The following MCTP1 variants were observed in gnomAD, a reference collection of about 807,000 sequenced individuals.
MCTP1 encodes multiple C2 and transmembrane domain-containing protein 1.
MCTP1 carries 69 observed loss-of-function variants against 120.6 expected under a neutral mutation model. The ratio of observed to expected loss-of-function variants is 0.57; its 90% CI spans 0.47 to 0.70. The LOEUF is 0.70. Among genes scored for constraint, MCTP1 ranks in the 30% least tolerant of loss-of-function variants. The pLI is 0.00. For synonymous variants in MCTP1, 529 were observed against 493.1 expected, an observed-to-expected ratio of 1.07 and a Z score of -0.96; for missense variants, 1,203 against 1,248.8, an observed-to-expected ratio of 0.96 and a Z score of 0.55.
chr5:95,087,159 A>AC (rs1269990204), intron 1 of MCTP1, among the ~76,000 whole-genome samples: 4 of 152,220 alleles, frequency 2.6e-5, no homozygotes, highest in African/African-American at 9.6e-5. Context: ...TATGAGGTTT[A>AC]CACTTCAGCC....
At chr5:95,254,009 A>C (rs1293521267) in intron 1 of MCTP1, among the ~76,000 whole-genome samples, 1 of 152,154 alleles carries the variant, frequency 6.6e-6, no homozygotes, top group Admixed American at 6.6e-5. Flanking sequence ...TATCACTGCT[A>C]AAAATTTAGT....
intron 7 of MCTP1, among the ~76,000 whole-genome samples, chr5:94,921,116 T>C (rs1811544383): frequency 6.6e-6 from 1 of 152,220 alleles, no homozygotes; most frequent in South Asian, 2.1e-4. Flanking sequence ...ATGCTAAATA[T>C]TTGAACACAC....
intron 1 of MCTP1, among the ~76,000 whole-genome samples, chr5:95,032,910 A>AGGTC (rs1840567829): frequency 6.6e-6 from 1 of 151,970 alleles, no homozygotes; most frequent in South Asian, 2.1e-4. Context: ...GTGACATTAC[A>AGGTC]ACTGAAACTA....
At chr5:95,029,705 A>G (rs71646185) in intron 1 of MCTP1, among the ~76,000 whole-genome samples, 1 of 152,190 alleles carries the variant, frequency 6.6e-6, no homozygotes. Context: ...CTTGTGACTC[A>G]GGGCAATGCT....
intron 17 of MCTP1, among the ~76,000 whole-genome samples, chr5:94,819,163 C>G (rs1241611340): frequency 6.7e-6 from 1 of 149,404 alleles, no homozygotes; most frequent in South Asian, 2.1e-4. Context: ...GAGTCTCACT[C>G]TGTCACCCAG....
At chr5:94,913,809 A>T (rs1374362598) in intron 8 of MCTP1, among the ~76,000 whole-genome samples, 2 of 151,828 alleles carry the variant, frequency 1.3e-5, no homozygotes, top group African/African-American at 4.8e-5. Context: ...GGCTCAAGTG[A>T]TCCTCCCAAG....
chr5:95,147,082 TTTA>T (rs1760460005), intron 1 of MCTP1, among the ~76,000 whole-genome samples: 1 of 151,870 alleles, frequency 6.6e-6, no homozygotes, highest in Non-Finnish European at 1.5e-5. Context: ...TTTATTTTAT[TTTA>T]TTTATTTATT....
intron 17 of MCTP1, among the ~76,000 whole-genome samples, chr5:94,863,753 T>C (rs1481883464): frequency 6.6e-6 from 1 of 151,844 alleles, no homozygotes; most frequent in African/African-American, 2.4e-5. Context: ...GAGCCTATTG[T>C]CTTTGGTCAT....
chr5:95,068,801 C>A, intron 1 of MCTP1: 4 of 1,280,546 alleles, frequency 3.1e-6, no homozygotes, highest in Non-Finnish European at 4.1e-6. Flanking sequence ...TGCATTTAGT[C>A]TGTCCTTTCC....
At chr5:94,723,519 ACT>A (rs1317888563) in intron 19 of MCTP1, among the ~76,000 whole-genome samples, 1 of 151,276 alleles carries the variant, frequency 6.6e-6, no homozygotes, top group Non-Finnish European at 1.5e-5. Context: ...ATAATGTTAC[ACT>A]GAGATTTTTT....
chr5:95,269,546 C>T (rs1759190799), intron 1 of MCTP1, among the ~76,000 whole-genome samples: 1 of 152,344 alleles, frequency 6.6e-6, no homozygotes, highest in Non-Finnish European at 1.5e-5. Flanking sequence ...CTAATGGTGG[C>T]ACCTTCCTCT....
chr5:94,928,209 A>AACACACACACACACACACAC (rs60502360), intron 6 of MCTP1, among the ~76,000 whole-genome samples: 3 of 148,436 alleles, frequency 2.0e-5, no homozygotes, highest in African/African-American at 5.0e-5. Flanking sequence ...TCTAGGTTAA[A>AACACACACACACACACACAC]ACACACACAC....
intron 1 of MCTP1, among the ~76,000 whole-genome samples, chr5:95,206,836 A>G (rs1393377216): frequency 6.6e-6 from 1 of 152,124 alleles, no homozygotes; most frequent in Non-Finnish European, 1.5e-5. Flanking sequence ...ATGCCTGTCC[A>G]TTTTATAGAT....
intron 4 of MCTP1, 29 bp from the exon 5 acceptor site, chr5:94,940,224 C>T: frequency 7.2e-7 from 1 of 1,384,904 alleles, no homozygotes; most frequent in Non-Finnish European, 1.0e-6. Flanking sequence ...AGATTTTGAA[C>T]AGTCATTAAA....
chr5:94,932,231 A>C (rs1287526795), intron 5 of MCTP1, among the ~76,000 whole-genome samples: 3 of 151,368 alleles, frequency 2.0e-5, no homozygotes, highest in Non-Finnish European at 4.4e-5. Flanking sequence ...AAAAAAAAAA[A>C]AAAAAAAGGA....
chr5:94,946,317 C>T (rs1037081359), intron 3 of MCTP1, among the ~76,000 whole-genome samples: 6 of 152,058 alleles, frequency 3.9e-5, no homozygotes, highest in African/African-American at 7.2e-5. Flanking sequence ...GTACTGAATC[C>T]GTTCCAGATG....
At chr5:95,164,602 T>C (rs1394377798) in intron 1 of MCTP1, among the ~76,000 whole-genome samples, 1 of 152,210 alleles carries the variant, frequency 6.6e-6, no homozygotes, top group East Asian at 1.9e-4. Flanking sequence ...AGTTTTAGTA[T>C]AATAATACAT....
chr5:95,063,779 G>A (rs1749884990), intron 1 of MCTP1, among the ~76,000 whole-genome samples: 1 of 151,908 alleles, frequency 6.6e-6, no homozygotes. Context: ...GTATTTTTTT[G>A]TAGAGATGAG....
intron 1 of MCTP1, among the ~76,000 whole-genome samples, chr5:95,078,827 AAATAAT>A (rs924479577): frequency 2.6e-5 from 4 of 151,934 alleles, no homozygotes; most frequent in Non-Finnish European, 4.4e-5. Flanking sequence ...CATAAAAAGG[AAATAAT>A]AATAATAATA....
Sources: gnomAD v4.1 joint callset for allele counts (sites outside exome capture counted in the v4.1 genomes callset) on GRCh38, gnomAD v4.1.1 for gene constraint, MANE v1.5 for transcripts, NCBI Gene and HGNC (gene_info 2026-07-23, HGNC 2026-07-21) for gene names.